The following CDH13 variants were observed in gnomAD, a reference collection of about 807,000 sequenced individuals.
The protein encoded by CDH13 is cadherin 13, also known as cadherin-13.
A neutral mutation model predicts 63.8 loss-of-function variants in CDH13; 24 were observed. The ratio of observed to expected loss-of-function variants is 0.38; its 90% confidence interval spans 0.27 to 0.53. The LOEUF (loss-of-function observed/expected upper bound fraction) is 0.53, where lower values mean the gene tolerates loss of function less well. CDH13 is among the 20% of genes least tolerant of loss of function. The pLI, the probability that CDH13 is intolerant of heterozygous loss-of-function variation, is 0.85. For missense variants in CDH13, 1,049 were observed against 903.1 expected (o/e 1.16, Z -2.07); for synonymous variants, 503 against 355.3 (o/e 1.42, Z -4.67).
chr16:83,728,116 C>T (rs896334316), intron 10 of CDH13, among the ~76,000 whole-genome samples: 1 of 152,124 alleles, frequency 6.6e-6, no homozygotes, highest in African/African-American at 2.4e-5. Flanking sequence ...GAGCACGCTG[C>T]CTGGAAAGGG....
At chr16:83,320,084 G>T (rs2090188225) in intron 5 of CDH13, among the ~76,000 whole-genome samples, 2 of 152,192 alleles carry the variant, frequency 1.3e-5, no homozygotes, top group South Asian at 2.1e-4. Context: ...CTGTCACTCA[G>T]GCTGGAGTGC....
intron 2 of CDH13, among the ~76,000 whole-genome samples, chr16:82,880,701 C>T (rs1451941691): frequency 3.3e-5 from 5 of 152,132 alleles, no homozygotes; most frequent in Admixed American, 1.3e-4. Context: ...TAAATTAATA[C>T]CCTTTCTATT....
intron 5 of CDH13, 99 bp downstream of exon 5, chr16:83,217,596 C>T: frequency 3.9e-6 from 5 of 1,271,470 alleles, no homozygotes; most frequent in South Asian, 1.4e-5. Context: ...CCTCATCAAA[C>T]CCGGGACTGC....
At chr16:83,335,509 T>C (rs1216597795) in intron 5 of CDH13, among the ~76,000 whole-genome samples, 2 of 152,132 alleles carry the variant, frequency 1.3e-5, no homozygotes, top group Non-Finnish European at 2.9e-5. Context: ...ATGATCATTT[T>C]ATGTTTCTTG....
At chr16:82,894,535 G>T (rs2041185979) in intron 2 of CDH13, among the ~76,000 whole-genome samples, 1 of 152,162 alleles carries the variant, frequency 6.6e-6, no homozygotes, top group South Asian at 2.1e-4. Flanking sequence ...CCAGCTACTT[G>T]GGAGGCTGAG....
At chr16:83,487,540 C>T (rs1033740824) in intron 7 of CDH13, among the ~76,000 whole-genome samples, 7 of 152,132 alleles carry the variant, frequency 4.6e-5, no homozygotes, top group African/African-American at 1.7e-4. Flanking sequence ...CACCGTGTAG[C>T]TTACCATAAG....
intron 5 of CDH13, among the ~76,000 whole-genome samples, chr16:83,271,822 GCTGTCCAATCAT>G (rs1185362829): frequency 6.6e-6 from 1 of 152,116 alleles, no homozygotes; most frequent in Non-Finnish European, 1.5e-5. Context: ...TAAAAATGCT[GCTGTCCAATCAT>G]CTGTGTCACT....
chr16:83,665,387 C>G (rs1913851090), intron 8 of CDH13, among the ~76,000 whole-genome samples: 1 of 152,136 alleles, frequency 6.6e-6, no homozygotes, highest in African/African-American at 2.4e-5. Context: ...ATATGCCAGG[C>G]TATTTGCCAA....
At chr16:83,162,673 G>C (rs991879731) in intron 4 of CDH13, among the ~76,000 whole-genome samples, 1 of 151,952 alleles carries the variant, frequency 6.6e-6, no homozygotes, top group African/African-American at 2.4e-5. Flanking sequence ...TTGTCAAAAT[G>C]CATAAAGAAG....
chr16:83,307,008 C>A (rs78428366), intron 5 of CDH13, among the ~76,000 whole-genome samples: 26 of 152,160 alleles, frequency 1.7e-4, no homozygotes, highest in Non-Finnish European at 3.1e-4. Context: ...AATAGTGGAA[C>A]AAATTAAACC....
chr16:82,922,008 AGAAATGT>A (rs1231878457), intron 2 of CDH13, among the ~76,000 whole-genome samples: 2 of 152,170 alleles, frequency 1.3e-5, no homozygotes, highest in Non-Finnish European at 2.9e-5. Context: ...GTGTCATTCT[AGAAATGT>A]TTTCTATTTC....
intron 10 of CDH13, among the ~76,000 whole-genome samples, chr16:83,732,359 T>G (rs1280257067): frequency 1.3e-5 from 2 of 152,046 alleles, no homozygotes. Flanking sequence ...CAACAGCTAA[T>G]GCAAAGGCTG....
chr16:83,720,219 A>C (rs1909507114), intron 10 of CDH13, among the ~76,000 whole-genome samples: 1 of 152,144 alleles, frequency 6.6e-6, no homozygotes, highest in African/African-American at 2.4e-5. Context: ...GTGCATGTAC[A>C]CATGTGTACA....
intron 5 of CDH13, among the ~76,000 whole-genome samples, chr16:83,313,972 G>A (rs1204115815): frequency 6.6e-6 from 1 of 152,128 alleles, no homozygotes; most frequent in Non-Finnish European, 1.5e-5. Flanking sequence ...CATTAATGAT[G>A]GAATGTATTT....
chr16:83,505,610 C>G (rs1439798237), intron 7 of CDH13, among the ~76,000 whole-genome samples: 1 of 129,666 alleles, frequency 7.7e-6, no homozygotes, highest in African/African-American at 2.9e-5. Flanking sequence ...ATGGTGGAAT[C>G]TCGGCTCGCC....
At chr16:83,072,026 T>C (rs2032476186) in intron 3 of CDH13, among the ~76,000 whole-genome samples, 1 of 152,054 alleles carries the variant, frequency 6.6e-6, no homozygotes, top group Non-Finnish European at 1.5e-5. Flanking sequence ...AAACTAAAAA[T>C]AAATATATAA....
intron 5 of CDH13, among the ~76,000 whole-genome samples, chr16:83,303,001 C>T (rs1157369170): frequency 2.0e-5 from 3 of 152,342 alleles, no homozygotes; most frequent in African/African-American, 2.4e-5. Flanking sequence ...ATCATGGCTG[C>T]TGTCATTTCC....
chr16:83,187,228 C>T (rs2038554326), intron 4 of CDH13, among the ~76,000 whole-genome samples: 1 of 152,174 alleles, frequency 6.6e-6, no homozygotes, highest in South Asian at 2.1e-4. Context: ...ACCTCGGCTT[C>T]CCAGAGTCTG....
In CDH13 at chr16:83,217,495, C is replaced by G. The variant is rs776286280; in HGVS notation, c.634C>G (p.Gln212Glu). ...TLDREVIAVY[Q>E]LFVETTDVNG... ...GGACAGAGAAGTAATCGCTGTTTATCAAGTGAGTACCCCTCTCCCATGCCC... is the reference window on the plus strand; with the variant it reads ...GGACAGAGAAGTAATCGCTGTTTATGAAGTGAGTACCCCTCTCCCATGCCC... Residue 212 changes from glutamine (Q) to glutamate (E), a missense_variant and splice_region_variant, in exon 5 of 14, where the codon CAA becomes GAA. Coordinates refer to ENST00000567109, the MANE Select transcript of CDH13 (RefSeq NM_001257.5). The G allele has an allele frequency of 3.7e-6, 6 of 1,613,008 alleles. No homozygotes were observed. In the East Asian group the frequency reaches 8.9e-5, roughly 24 times the overall value.
Sources: gnomAD v4.1 joint callset for allele counts (sites outside exome capture counted in the v4.1 genomes callset) on GRCh38, gnomAD v4.1.1 for gene constraint, MANE v1.5 for transcripts, NCBI Gene and HGNC (gene_info 2026-07-23, HGNC 2026-07-21) for gene names.